TMC1: variants seen among roughly 807,000 people sequenced by gnomAD.
The protein encoded by TMC1 is transmembrane channel like 1.
Under a neutral mutation model 105.8 loss-of-function variants are expected in TMC1, and 84 were observed. That is an observed-to-expected ratio of 0.79 (90% CI 0.67 to 0.95). TMC1 has a LOEUF of 0.95. Among genes scored for constraint, TMC1 ranks in the 40% least tolerant of loss-of-function variants. The pLI, the probability that TMC1 is intolerant of heterozygous loss-of-function variation, is 0.00. For synonymous variants in TMC1, 315 were observed against 311.5 expected, an observed-to-expected ratio of 1.01 and a Z score of -0.12; for missense variants, 817 against 914.1, an observed-to-expected ratio of 0.89 and a Z score of 1.37.
At chr9:72,624,382 G>C (rs1587996234) in intron 3 of TMC1, among the ~76,000 whole-genome samples, 1 of 152,090 alleles carries the variant, frequency 6.6e-6, no homozygotes, top group African/African-American at 2.4e-5. Flanking sequence ...TATTTCCGTA[G>C]GGTTGTCCAC....
chr9:72,804,768 C>A (rs927365362), intron 17 of TMC1, among the ~76,000 whole-genome samples: 2 of 152,342 alleles, frequency 1.3e-5, no homozygotes, highest in African/African-American at 4.8e-5. Context: ...TAGTTCACCA[C>A]ACTCACCAAT....
chr9:72,812,500 C>A (rs576797241), intron 18 of TMC1, among the ~76,000 whole-genome samples: 3 of 152,178 alleles, frequency 2.0e-5, no homozygotes, highest in African/African-American at 7.2e-5. Context: ...TCCTAGCAGA[C>A]GAGGCTAGAG....
At chr9:72,806,198 A>G (rs539545230) in intron 18 of TMC1, among the ~76,000 whole-genome samples, 2 of 123,548 alleles carry the variant, frequency 1.6e-5, no homozygotes. Flanking sequence ...CCCCTCCCGG[A>G]CGGGGCGGCT....
intron 18 of TMC1, among the ~76,000 whole-genome samples, chr9:72,814,879 G>C (rs993727708): frequency 1.4e-5 from 2 of 144,542 alleles, no homozygotes; most frequent in African/African-American, 5.1e-5. Context: ...AGGAACAGAG[G>C]CTCTCTTGGA....
chr9:72,689,307 G>C lies in TMC1; in HGVS notation c.64+551G>C, dbSNP rs74390362. The stretch of plus-strand genomic sequence containing the variant: ...GGTCTTATGATCTACACTCAAACAA[G>C]GTAGGTCGGATGATTTCTTGATGAC... On this transcript the variant is annotated intron_variant, in intron 6 of 23. Coordinates refer to ENST00000297784, the MANE Select transcript of TMC1 (RefSeq NM_138691.3). Among the ~76,000 whole-genome samples, 563 of 152,216 alleles carry C rather than the reference G, an allele frequency of 3.7e-3. 6 individuals carry two copies. The highest frequency in any genetic ancestry group is 0.013 in the African/African-American group (540 of 41,548).
At chr9:72,805,750 A>C (rs1293750670) in intron 18 of TMC1, among the ~76,000 whole-genome samples, 3 of 151,800 alleles carry the variant, frequency 2.0e-5, no homozygotes, top group East Asian at 3.9e-4. Flanking sequence ...ATGACTCTTA[A>C]GGAGCATGCT....
chr9:72,828,020 A>C (rs1191790916), intron 21 of TMC1, among the ~76,000 whole-genome samples: 8 of 152,182 alleles, frequency 5.3e-5, no homozygotes, highest in African/African-American at 1.9e-4. Context: ...TTACACAAAG[A>C]AAGTGATTTT....
intron 12 of TMC1, among the ~76,000 whole-genome samples, chr9:72,764,266 G>A (rs1827797379): frequency 6.6e-6 from 1 of 152,066 alleles, no homozygotes; most frequent in African/African-American, 2.4e-5. Context: ...GTGTCCAGAT[G>A]ACCACACACG....
At chr9:72,818,960 T>G (rs1828830392) in intron 19 of TMC1, among the ~76,000 whole-genome samples, 1 of 152,238 alleles carries the variant, frequency 6.6e-6, no homozygotes, top group Non-Finnish European at 1.5e-5. Flanking sequence ...ACAAACAATG[T>G]GCACGTATAT....
intron 5 of TMC1, among the ~76,000 whole-genome samples, chr9:72,672,277 C>T (rs1379694616): frequency 3.4e-5 from 5 of 148,994 alleles, no homozygotes; most frequent in African/African-American, 7.4e-5. Flanking sequence ...TTTATTGTCT[C>T]GCTGACTTTT....
intron 18 of TMC1, among the ~76,000 whole-genome samples, chr9:72,806,755 G>T (rs1767993956): frequency 6.6e-6 from 1 of 151,654 alleles, no homozygotes; most frequent in Non-Finnish European, 1.5e-5. Context: ...TGGCGGCCGG[G>T]CGGAGACGCT....
intron 17 of TMC1, among the ~76,000 whole-genome samples, chr9:72,803,033 G>A (rs1280911713): frequency 6.6e-6 from 1 of 151,994 alleles, no homozygotes; most frequent in Non-Finnish European, 1.5e-5. Context: ...GCAAAAACAG[G>A]CAGACAGACC....
At chr9:72,556,071 T>G (rs895293798) in intron 1 of TMC1, among the ~76,000 whole-genome samples, 1 of 149,648 alleles carries the variant, frequency 6.7e-6, no homozygotes, top group African/African-American at 2.5e-5. Context: ...CTAATCCACT[T>G]GGTGACCTTC....
intron 20 of TMC1, among the ~76,000 whole-genome samples, chr9:72,823,769 T>A (rs1348002361): frequency 6.6e-6 from 1 of 152,348 alleles, no homozygotes; most frequent in East Asian, 1.9e-4. Context: ...CTCTAGGTTT[T>A]TATATACATC....
chr9:72,564,803 T>C (rs186787570), intron 1 of TMC1, among the ~76,000 whole-genome samples: 1 of 152,192 alleles, frequency 6.6e-6, no homozygotes, highest in East Asian at 1.9e-4. Flanking sequence ...ATCAGGAAGT[T>C]GGCCTTTGTT....
intron 7 of TMC1, among the ~76,000 whole-genome samples, chr9:72,698,797 T>G (rs1826594130): frequency 6.6e-6 from 1 of 152,084 alleles, no homozygotes; most frequent in Non-Finnish European, 1.5e-5. Context: ...GTGGTGCTGG[T>G]TTCTGTGGGA....
intron 1 of TMC1, among the ~76,000 whole-genome samples, chr9:72,555,659 C>T (rs1433399873): frequency 6.6e-6 from 1 of 151,704 alleles, no homozygotes. Context: ...CTTGCTCTGT[C>T]ACCCATGCTG....
At position 72,534,418 on chromosome 9, in the gene TMC1, C is replaced by T. The variant is rs536323147; in HGVS notation, c.-428+12505C>T. 1.6e-4 allele frequency among the ~76,000 whole-genome samples: 25 copies of T among 152,194 alleles called. No homozygotes were observed. In the South Asian group the frequency reaches 5.2e-3, roughly 32 times the overall value. On this transcript the variant is annotated intron_variant, in intron 1 of 23. Transcript: ENST00000297784. ...TGGGGAGGTGGAGGGAGGTGCTGAACAGACATTCTAAAAGGGCTCCACCAA... is the reference window on the plus strand; with the variant it reads ...TGGGGAGGTGGAGGGAGGTGCTGAATAGACATTCTAAAAGGGCTCCACCAA...
At chr9:72,783,347 C>CA (rs1828122913) in intron 13 of TMC1, among the ~76,000 whole-genome samples, 1 of 152,138 alleles carries the variant, frequency 6.6e-6, no homozygotes. Context: ...GAGCCCCTGG[C>CA]AAACCACTGG....
Sources: gnomAD v4.1 joint callset for allele counts (sites outside exome capture counted in the v4.1 genomes callset) on GRCh38, gnomAD v4.1.1 for gene constraint, MANE v1.5 for transcripts, NCBI Gene and HGNC (gene_info 2026-07-23, HGNC 2026-07-21) for gene names.